The following STAP1 variants were observed in gnomAD, a reference collection of about 807,000 sequenced individuals.
The protein encoded by STAP1 is signal-transducing adaptor protein 1.
STAP1 carries 30 observed loss-of-function variants against 37.8 expected under a neutral mutation model. The ratio of observed to expected loss-of-function variants is 0.79; its 90% CI spans 0.59 to 1.08. STAP1 has a LOEUF of 1.08. Among genes scored for constraint, STAP1 ranks in the 50% least tolerant of loss-of-function variants. The pLI is 0.00. For missense variants in STAP1, 357 were observed against 349.4 expected (o/e 1.02, Z -0.17); for synonymous variants, 130 against 116.0 (o/e 1.12, Z -0.78).
chr4:67,577,178 T>A, intron 3 of STAP1, 25 bp from the exon 4 acceptor site: 1 of 1,588,678 alleles, frequency 6.3e-7, no homozygotes, highest in Non-Finnish European at 8.6e-7. Context: ...TCTTTGGCTT[T>A]ATCTGTTTTT....
At chr4:67,568,443 A>G (rs1006970965) in intron 1 of STAP1, among the ~76,000 whole-genome samples, 4 of 152,340 alleles carry the variant, frequency 2.6e-5, no homozygotes, top group African/African-American at 9.6e-5. Context: ...TGCATATGAA[A>G]GTAAATCTTT....
intron 4 of STAP1, among the ~76,000 whole-genome samples, chr4:67,578,870 C>T (rs193089987): frequency 2.3e-4 from 35 of 151,202 alleles, no homozygotes; most frequent in African/African-American, 8.0e-4. Flanking sequence ...ACTCTATCAC[C>T]CAGGCTGGAG....
At position 67,575,421 on chromosome 4, in the gene STAP1, C is replaced by T. The variant is rs1428189634; in HGVS notation, c.229C>T (p.Leu77Phe). The change falls in exon 3 of 9, where the codon CTT (leucine) becomes TTT (phenylalanine). Residue 77 changes from leucine to phenylalanine, a missense_variant. Physicochemically the swap from Leu to Phe is conservative, Grantham distance 22. Transcript: ENST00000265404. ...ATTAGACATAGTAGACCTCACATGC[C>T]TTACTGAGCAGAATTCAACTGAAAA... ...DKLDIVDLTC[L>F]TEQNSTEKNC... is the part of the protein sequence containing the mutation. 1 of 1,602,402 alleles carries T rather than the reference C, an allele frequency of 6.2e-7. No individual in the cohort carries two copies. Among genetic ancestry groups the T allele is most frequent in the South Asian group, 1.1e-5 (1 of 88,336 alleles).
At chr4:67,560,671 T>TGA (rs1423251874) in intron 1 of STAP1, among the ~76,000 whole-genome samples, 1 of 152,062 alleles carries the variant, frequency 6.6e-6, no homozygotes, top group African/African-American at 2.4e-5. Context: ...TGTGTGTGTG[T>TGA]GTGACAGTGT....
rs141579766 is a variant in STAP1, at chr4:67,596,815, T to C, written c.826+3459T>C. ...TGTGACCTGGCTTTTTCTAAAAGTA[T>C]ACAGTCATATGCATTCACAAAGAGA... On this transcript the variant is annotated intron_variant, in intron 8 of 8. Coordinates refer to ENST00000265404, the MANE Select transcript of STAP1 (RefSeq NM_012108.4). Among the ~76,000 whole-genome samples the C allele has an allele frequency of 3.6e-3, 542 of 152,324 alleles. 3 individuals are homozygous for C. The highest frequency in any genetic ancestry group is 0.013 in the African/African-American group (523 of 41,564).
At chr4:67,598,868 A>T (rs2109877037) in intron 8 of STAP1, among the ~76,000 whole-genome samples, 1 of 152,190 alleles carries the variant, frequency 6.6e-6, no homozygotes, top group Middle Eastern at 3.4e-3. Flanking sequence ...TGTCTTGGAG[A>T]GTTTTCCCAA....
chr4:67,561,297 G>T (rs1282903544), intron 1 of STAP1, among the ~76,000 whole-genome samples: 4 of 152,324 alleles, frequency 2.6e-5, no homozygotes, highest in East Asian at 1.9e-4. Flanking sequence ...TGAGCCAAAG[G>T]TATATAGCCA....
Position 67,558,758 on chromosome 4 carries a change from G to T in STAP1, c.-52G>T. The T allele has an allele frequency of 6.3e-7, 1 of 1,578,358 alleles. No individual in the cohort carries two copies. The highest frequency in any genetic ancestry group is 2.3e-5 in the East Asian group (1 of 44,356). On this transcript the variant is annotated 5_prime_UTR_variant, in exon 1 of 9. Transcript: ENST00000265404. ...TTGCCTTTTCCTCTCACAGAAGGAA[G>T]ATTTCATTTTGTTTGAGACGAGAAA...
chr4:67,575,461 T>C lies in STAP1; in HGVS notation c.269T>C (p.Phe90Ser). Residue 90 changes from phenylalanine to serine, a missense_variant, in exon 3 of 9, where the codon TTC becomes TCC. Transcript: ENST00000265404. Reference protein sequence around the residue: ...QNSTEKNCAKFTLVLPKEEVQ... With the variant: ...QNSTEKNCAKSTLVLPKEEVQ... Reference sequence around the variant, plus strand: ...TCAACTGAAAAGAACTGTGCGAAATTCACCCTTGTTTTGCCGAAAGAGGAA... The same window carrying C: ...TCAACTGAAAAGAACTGTGCGAAATCCACCCTTGTTTTGCCGAAAGAGGAA... 6.2e-7 allele frequency: 1 copy of C among 1,611,538 alleles called. No homozygotes were observed. The highest frequency in any genetic ancestry group is 8.5e-7 in the Non-Finnish European group (1 of 1,179,144).
intron 2 of STAP1, among the ~76,000 whole-genome samples, chr4:67,572,997 T>C (rs1201887863): frequency 6.6e-6 from 1 of 152,218 alleles, no homozygotes; most frequent in Non-Finnish European, 1.5e-5. Flanking sequence ...CAATTTTTGT[T>C]AAGAGTATAC....
Position 67,575,418 on chromosome 4 carries a change from T to A in STAP1, c.226T>A (p.Cys76Ser). 1 of 1,602,462 alleles carries A rather than the reference T, an allele frequency of 6.2e-7. No individual in the cohort carries two copies. The change falls in exon 3 of 9, where the codon TGC (cysteine) becomes AGC (serine). Residue 76 changes from cysteine to serine, a missense_variant. Cys to Ser is a moderately radical substitution (Grantham distance 112). Transcript: ENST00000265404. ...VDKLDIVDLT[C>S]LTEQNSTEKN... Reference sequence around the variant, plus strand: ...CAAATTAGACATAGTAGACCTCACATGCCTTACTGAGCAGAATTCAACTGA... The same window carrying A: ...CAAATTAGACATAGTAGACCTCACAAGCCTTACTGAGCAGAATTCAACTGA...
intron 7 of STAP1, 78 bp downstream of exon 7, chr4:67,591,031 C>A: frequency 1.9e-6 from 2 of 1,062,020 alleles, no homozygotes; most frequent in South Asian, 1.5e-5. Flanking sequence ...AAAAAGCAGC[C>A]AAGTTAAGGA....
At chr4:67,566,446 G>A (rs1727472578) in intron 1 of STAP1, among the ~76,000 whole-genome samples, 1 of 152,156 alleles carries the variant, frequency 6.6e-6, no homozygotes, top group Admixed American at 6.5e-5. Flanking sequence ...GTAGCCTTGA[G>A]CTACATCAAG....
intron 1 of STAP1, among the ~76,000 whole-genome samples, chr4:67,570,567 T>A (rs1162607553): frequency 6.6e-6 from 1 of 151,050 alleles, no homozygotes; most frequent in Non-Finnish European, 1.5e-5. Context: ...GAGGCTGGAG[T>A]GGGAGGATTG....
intron 4 of STAP1, among the ~76,000 whole-genome samples, chr4:67,578,567 C>G (rs989321231): frequency 6.6e-6 from 1 of 152,136 alleles, no homozygotes; most frequent in African/African-American, 2.4e-5. Flanking sequence ...CTCTTTCCCT[C>G]TGTTGTGGAA....
At chr4:67,561,798 G>T (rs186667424) in intron 1 of STAP1, among the ~76,000 whole-genome samples, 79 of 152,202 alleles carry the variant, frequency 5.2e-4, no homozygotes, top group African/African-American at 1.8e-3. Flanking sequence ...GGTGGGCCGG[G>T]AGCGGTGGCT....
intron 1 of STAP1, among the ~76,000 whole-genome samples, chr4:67,565,774 A>G (rs535951330): frequency 6.6e-6 from 1 of 151,976 alleles, no homozygotes; most frequent in African/African-American, 2.4e-5. Flanking sequence ...AAACTCTCAT[A>G]TGGGAGACAC....
chr4:67,600,887 G>A (rs1728328386), intron 8 of STAP1, among the ~76,000 whole-genome samples: 1 of 152,050 alleles, frequency 6.6e-6, no homozygotes, highest in South Asian at 2.1e-4. Context: ...TATGTTTCTT[G>A]TAGGCAACAG....
At chr4:67,560,572 G>A (rs372263022) in intron 1 of STAP1, among the ~76,000 whole-genome samples, 12 of 151,936 alleles carry the variant, frequency 7.9e-5, no homozygotes, top group African/African-American at 2.7e-4. Flanking sequence ...ATACCTATAG[G>A]CATAAATATT....
Sources: allele counts gnomAD v4.1 joint callset (sites outside exome capture counted in the v4.1 genomes callset), GRCh38; gene constraint gnomAD v4.1.1; transcripts MANE v1.5; gene names NCBI Gene and HGNC (gene_info 2026-07-23, HGNC 2026-07-21).